FANCM: variants seen among roughly 807,000 people sequenced by gnomAD.
The protein encoded by FANCM is Fanconi anemia group M protein.
FANCM carries 140 observed loss-of-function variants against 199.5 expected under a neutral mutation model. The ratio of observed to expected loss-of-function variants is 0.70; its 90% confidence interval spans 0.61 to 0.81. FANCM has a LOEUF of 0.81. FANCM is among the 30% of genes least tolerant of loss of function. FANCM has a pLI of 0.00. For synonymous variants in FANCM, 840 were observed against 836.8 expected, an observed-to-expected ratio of 1.00 and a Z score of -0.07; for missense variants, 2,410 against 2,421.4, an observed-to-expected ratio of 1.00 and a Z score of 0.10.
chr14:45,175,308 T>G lies in FANCM; in HGVS notation c.2554T>G (p.Ser852Ala). The change falls in exon 14 of 23, where the codon TCT (serine) becomes GCT (alanine). Residue 852 changes from serine to alanine, a missense_variant. Ser to Ala is a moderately conservative substitution (Grantham distance 99, BLOSUM62 1). Transcript: ENST00000267430. The part of the protein sequence containing the change: ...QTHIKPTKIV[S>A]LKKKVSKEIK... ...TCATATCAAACCTACTAAAATTGTT[T>G]CTTTAAAGAAAAAAGTGTCTAAAGA... The G allele has an allele frequency of 2.5e-6, 4 of 1,570,794 alleles. No homozygotes were observed. Among genetic ancestry groups the G allele is most frequent in the Non-Finnish European group, 2.6e-6 (3 of 1,161,716 alleles).
chr14:45,141,162 C>T (rs1159525838), intron 3 of FANCM, among the ~76,000 whole-genome samples: 1 of 151,482 alleles, frequency 6.6e-6, no homozygotes, highest in African/African-American at 2.4e-5. Context: ...GTGGTGGGCA[C>T]CTGTAGTCCC....
rs373326117 is a variant in FANCM, at chr14:45,185,571, A to G, written c.4672+198A>G. Among the ~76,000 whole-genome samples, 11 of 152,268 alleles carry G rather than the reference A, an allele frequency of 7.2e-5. No homozygotes were observed. The East Asian group carries it at 1.7e-3, about 24-fold the overall frequency. ...ACTGATTGTTCATAGGCTTCTGCTA[A>G]TTTGAATATTTCTCTTCAGATTGAC... is the stretch of plus-strand genomic sequence containing the variant. On this transcript the variant is annotated intron_variant, in intron 18 of 22. Transcript: ENST00000267430.
At chr14:45,194,880 C>T (rs1453914956) in intron 20 of FANCM, among the ~76,000 whole-genome samples, 1 of 149,720 alleles carries the variant, frequency 6.7e-6, no homozygotes, top group Non-Finnish European at 1.5e-5. Flanking sequence ...GGCGTGATCT[C>T]GGCTCACTGC....
chr14:45,137,176 G>C lies in FANCM; in HGVS notation c.616G>C (p.Ala206Pro). Residue 206 changes from alanine to proline, a missense_variant, in exon 2 of 23, where the codon GCT (alanine) becomes CCT (proline). Coordinates refer to ENST00000267430, the MANE Select transcript of FANCM (RefSeq NM_020937.4). ...NDLSRGACPA[A>P]EIKCLVIDEA... ...CCTTTCTAGAGGAGCTTGTCCCGCT[G>C]CTGAAATAAAGTGTTTAGTTATTGA... 6.2e-7 allele frequency: 1 copy of C among 1,613,806 alleles called. No homozygotes were observed. The highest frequency in any genetic ancestry group is 1.3e-5 in the African/African-American group (1 of 75,058).
At chr14:45,170,853 G>C in intron 12 of FANCM, 107 bp downstream of exon 12, 1 of 908,998 alleles carries the variant, frequency 1.1e-6, no homozygotes, top group Non-Finnish European at 1.8e-6. Flanking sequence ...GGAATAATGA[G>C]ATAATTGTGA....
Position 45,167,179 on chromosome 14 carries a change from A to G in FANCM, c.2002+16A>G, listed in dbSNP as rs370879109. On this transcript the variant is annotated intron_variant, in intron 11 of 22. Coordinates refer to ENST00000267430, the MANE Select transcript of FANCM (RefSeq NM_020937.4). ...TATAGGGATGGTAAATAAATTTTGC[A>G]TTTGACACATGCATTTTTCCCCTGT... is the stretch of plus-strand genomic sequence containing the variant. 6.8e-7 allele frequency: 1 copy of G among 1,468,378 alleles called. No individual in the cohort carries two copies. The allele number at this position is 1,468,378 out of a possible 1,614,324, so 91.0% of individuals were successfully genotyped here. A position where few individuals can be genotyped will look rare whatever the true frequency, so the allele number is the denominator to read the frequency against.
At chr14:45,199,673 T>C (rs1245509148) in intron 22 of FANCM, among the ~76,000 whole-genome samples, 197 bp from the exon 23 acceptor site, 2 of 152,204 alleles carry the variant, frequency 1.3e-5, no homozygotes, top group Non-Finnish European at 2.9e-5. Flanking sequence ...ATGTTGAAAT[T>C]GTTATTCTAG....
chr14:45,175,764 C>G lies in FANCM; in HGVS notation c.3010C>G (p.Leu1004Val). 6.2e-7 allele frequency: 1 copy of G among 1,613,636 alleles called. No homozygotes were observed. The change falls in exon 14 of 23, where the codon CTC becomes GTC. Residue 1004 changes from leucine (L) to valine (V), a missense_variant. Leu to Val is a conservative substitution (Grantham distance 32). Coordinates refer to ENST00000267430, the MANE Select transcript of FANCM (RefSeq NM_020937.4). The part of the protein sequence containing the change: ...LSYSPPPLSG[L>V]SDLEYEIAKG... ...TTATTCTCCTCCGCCTCTCAGTGGA[C>G]TCTCAGACTTGGAATATGAAATTGC...
At chr14:45,181,728 A>G (rs1889087615) in intron 16 of FANCM, 23 bp downstream of exon 16, 2 of 1,460,516 alleles carry the variant, frequency 1.4e-6, no homozygotes, top group Non-Finnish European at 1.9e-6. Flanking sequence ...CAGGTAATGT[A>G]TAGTAATCCA....
chr14:45,143,194 G>C (rs1449311804), intron 3 of FANCM, among the ~76,000 whole-genome samples: 2 of 149,348 alleles, frequency 1.3e-5, no homozygotes, highest in Non-Finnish European at 3.0e-5. Flanking sequence ...TTTTTAAACA[G>C]GGTCTCACTG....
At chr14:45,151,898 A>AGT (rs1244069962) in intron 5 of FANCM, among the ~76,000 whole-genome samples, 1 of 146,766 alleles carries the variant, frequency 6.8e-6, no homozygotes, top group Non-Finnish European at 1.5e-5. Context: ...TAGGTGACAG[A>AGT]GTTAGACCTG....
At position 45,183,226 on chromosome 14, in the gene FANCM, T is replaced by G. The variant is rs146608078; in HGVS notation, c.4387-548T>G. On this transcript the variant is annotated intron_variant, in intron 16 of 22. Coordinates refer to ENST00000267430, the MANE Select transcript of FANCM (RefSeq NM_020937.4). ...TGATAATGCTGATGATCAATTTGTT[T>G]TAAACTAAATTTATTCCTGTTAATT... Among the ~76,000 whole-genome samples, 12 of 152,356 alleles carry G rather than the reference T, an allele frequency of 7.9e-5. No individual in the cohort carries two copies. In the East Asian group the frequency reaches 2.3e-3, roughly 29 times the overall value.
At chr14:45,170,498 C>T (rs1888266962) in intron 11 of FANCM, 91 bp from the exon 12 acceptor site, 4 of 912,116 alleles carry the variant, frequency 4.4e-6, no homozygotes, top group African/African-American at 1.7e-5. Flanking sequence ...TGCACTCCAA[C>T]CTGGGTGACA....
chr14:45,182,520 G>A (rs1003785599), intron 16 of FANCM, among the ~76,000 whole-genome samples: 1 of 152,184 alleles, frequency 6.6e-6, no homozygotes, highest in Non-Finnish European at 1.5e-5. Flanking sequence ...TGTTGAACAG[G>A]TTTGAGTTTG....
intron 14 of FANCM, among the ~76,000 whole-genome samples, chr14:45,178,969 C>T (rs1453062325): frequency 5.9e-5 from 9 of 152,050 alleles, no homozygotes; most frequent in Non-Finnish European, 1.0e-4. Flanking sequence ...AAGGCTGAGG[C>T]GGGTGGATCA....
intron 20 of FANCM, among the ~76,000 whole-genome samples, chr14:45,191,382 G>A (rs1594817925): frequency 6.6e-6 from 1 of 152,110 alleles, no homozygotes; most frequent in South Asian, 2.1e-4. Context: ...CCTGACCCTG[G>A]GCTAAGCCTA....
rs2139296355 is a variant in FANCM at position 45,189,041 on chromosome 14, A to G, written c.5019A>G (p.Ser1673=). 12 of 1,613,998 alleles carry G rather than the reference A, an allele frequency of 7.4e-6. No homozygotes were observed. The highest frequency in any genetic ancestry group is 1.0e-5 in the Non-Finnish European group (12 of 1,179,830). Residue 1673 remains serine, a synonymous_variant, in exon 20 of 23, where the codon TCA becomes TCG. Coordinates refer to ENST00000267430, the MANE Select transcript of FANCM (RefSeq NM_020937.4). ...KLSRIILPDD[S]SEEENNVNDK... is the part of the protein sequence containing the mutation. ...CCAGAATTATTTTACCAGATGATTCAAGTGAGGAGGAGAACAATGTAAATG... is the reference window on the plus strand; with the variant it reads ...CCAGAATTATTTTACCAGATGATTCGAGTGAGGAGGAGAACAATGTAAATG...
intron 2 of FANCM, among the ~76,000 whole-genome samples, chr14:45,139,836 C>T (rs558661827): frequency 6.6e-6 from 1 of 152,074 alleles, no homozygotes; most frequent in South Asian, 2.1e-4. Flanking sequence ...GCTTTCACTA[C>T]ATTACAGGTA....
intron 14 of FANCM, among the ~76,000 whole-genome samples, chr14:45,180,528 CCT>C (rs775054441): frequency 1.3e-5 from 2 of 152,024 alleles, no homozygotes; most frequent in African/African-American, 2.4e-5. Context: ...CTCACTGCCA[CCT>C]CTGTCTCTTG....
Sources: allele counts gnomAD v4.1 joint callset (sites outside exome capture counted in the v4.1 genomes callset), GRCh38; gene constraint gnomAD v4.1.1; transcripts MANE v1.5; gene names NCBI Gene and HGNC (gene_info 2026-07-23, HGNC 2026-07-21).